FLNB: variants seen among roughly 807,000 people sequenced by gnomAD.
FLNB encodes the protein filamin B.
A neutral mutation model predicts 250.6 loss-of-function variants in FLNB; 111 were observed. The ratio of observed to expected loss-of-function variants is 0.44; its 90% CI spans 0.38 to 0.52. The LOEUF (loss-of-function observed/expected upper bound fraction) is 0.52. Ranked by LOEUF, FLNB falls within the 20% of genes least tolerant of loss-of-function variation. The pLI is 0.00. For missense variants in FLNB, 2,869 were observed against 3,447.8 expected (o/e 0.83, Z 4.20); for synonymous variants, 1,302 against 1,372.1 (o/e 0.95, Z 1.13).
At chr3:58,099,129 A>G (rs184776933) in intron 8 of FLNB, among the ~76,000 whole-genome samples, 116 of 152,138 alleles carry the variant, frequency 7.6e-4, no homozygotes, top group African/African-American at 2.6e-3. Context: ...GCTTATATTA[A>G]CTCATTTACT....
intron 1 of FLNB, among the ~76,000 whole-genome samples, chr3:58,029,158 GTAAC>G (rs2097127408): frequency 6.6e-6 from 1 of 152,128 alleles, no homozygotes; most frequent in Non-Finnish European, 1.5e-5. Flanking sequence ...TTATGTAGTG[GTAAC>G]TAACTTTCTC....
In FLNB at chr3:58,142,793, CT is replaced by C. The variant is rs779476696; in HGVS notation, c.5284+42del. 5 of 1,548,262 alleles carry C rather than the reference CT, an allele frequency of 3.2e-6. No individual in the cohort carries two copies. The African/African-American group carries it at 5.4e-5, about 17-fold the overall frequency. ...AAAGGCCGTCTCATTCTCACTTGCT[CT>C]CACGAGCTTCCCAGAATGGTGCTGG... On this transcript the variant is annotated intron_variant, in intron 31 of 45. Transcript: ENST00000295956. This position sits in a 1 kb window ranked among gnomAD's most constrained non-coding sequence, Gnocchi z 4.3.
At chr3:58,059,649 G>A (rs757196915) in intron 1 of FLNB, among the ~76,000 whole-genome samples, 2 of 152,146 alleles carry the variant, frequency 1.3e-5, no homozygotes, top group African/African-American at 4.8e-5. Context: ...TGGACAGTGC[G>A]CCTCAGGAAT....
intron 1 of FLNB, among the ~76,000 whole-genome samples, 157 bp downstream of exon 1, chr3:58,009,013 TC>T (rs1341169309): frequency 1.3e-5 from 2 of 152,072 alleles, no homozygotes; most frequent in Non-Finnish European, 2.9e-5. Flanking sequence ...CTAGACCCCC[TC>T]CCCGGTGTCT....
intron 1 of FLNB, among the ~76,000 whole-genome samples, chr3:58,038,941 A>G (rs1367536045): frequency 1.3e-5 from 2 of 152,016 alleles, no homozygotes; most frequent in East Asian, 1.9e-4. Flanking sequence ...AAAAGCAACA[A>G]TTGGGCTGGG....
At position 58,008,859 on chromosome 3, in the gene FLNB, G is replaced by T; in HGVS notation, c.292+3G>T. The T allele has an allele frequency of 6.2e-7, 1 of 1,613,580 alleles. No homozygotes were observed. Among genetic ancestry groups the T allele is most frequent in the Non-Finnish European group, 8.5e-7 (1 of 1,179,974 alleles). On this transcript the variant is annotated splice_donor_region_variant and intron_variant, in intron 1 of 45. Coordinates refer to ENST00000295956, the MANE Select transcript of FLNB (RefSeq NM_001457.4). Reference sequence around the variant, plus strand: ...GAGCATCAAGCTCGTGTCCATCGGTGAGTTCTCTGGCCGGGCCCAGGCGCC... The same window carrying T: ...GAGCATCAAGCTCGTGTCCATCGGTTAGTTCTCTGGCCGGGCCCAGGCGCC...
chr3:58,032,593 A>C (rs79377960), intron 1 of FLNB, among the ~76,000 whole-genome samples: 4,518 of 152,198 alleles, frequency 0.03, 219 homozygotes, highest in African/African-American at 0.1. Flanking sequence ...AAAAGTCTAG[A>C]GTAGGGCTGG....
In FLNB at chr3:58,111,779, T is replaced by A; in HGVS notation, c.2485-12T>A. The A allele has an allele frequency of 6.2e-7, 1 of 1,607,302 alleles. No individual in the cohort carries two copies. Among genetic ancestry groups the A allele is most frequent in the Non-Finnish European group, 8.5e-7 (1 of 1,173,838 alleles). On this transcript the variant is annotated splice_polypyrimidine_tract_variant and intron_variant, in intron 16 of 45. Transcript: ENST00000295956. ...CAGGGGCTTTCCTACTAAGACTGTGTCTCTGCTACAGGAAATCCCCGCCAG... is the reference window on the plus strand; with the variant it reads ...CAGGGGCTTTCCTACTAAGACTGTGACTCTGCTACAGGAAATCCCCGCCAG...
In FLNB at chr3:58,139,490, C is replaced by T. The variant is rs577357967; in HGVS notation, c.5109+961C>T. 3.2e-4 allele frequency among the ~76,000 whole-genome samples: 48 copies of T among 152,326 alleles called. No individual in the cohort carries two copies. The South Asian group carries it at 8.9e-3, about 28-fold the overall frequency. On this transcript the variant is annotated intron_variant, in intron 29 of 45. Coordinates refer to ENST00000295956, the MANE Select transcript of FLNB (RefSeq NM_001457.4). ...AGGTGCATGAAGACTCCATTCCAAA[C>T]TCCAAAGCTCAGGGACTTTCTTCCG...
rs773724014 is a variant in FLNB at position 58,153,650 on chromosome 3, T to C, written c.6634+9T>C. The C allele has an allele frequency of 6.2e-7, 1 of 1,613,844 alleles. No homozygotes were observed. Among genetic ancestry groups the C allele is most frequent in the South Asian group, 1.1e-5 (1 of 91,062 alleles). On this transcript the variant is annotated intron_variant, in intron 39 of 45. Coordinates refer to ENST00000295956, the MANE Select transcript of FLNB (RefSeq NM_001457.4). The stretch of plus-strand genomic sequence containing the variant: ...AGAAGCGGGAGTCCCAGGTGAGCAT[T>C]GCGGGCAGGATTTTCACTTGGGAAG...
chr3:58,154,665 G>A, intron 39 of FLNB, 126 bp from the exon 40 acceptor site: 4 of 993,120 alleles, frequency 4.0e-6, no homozygotes, highest in Non-Finnish European at 4.7e-6. Context: ...GGTTCTGCTT[G>A]GGGTTGGAGA....
intron 1 of FLNB, among the ~76,000 whole-genome samples, chr3:58,057,903 A>G (rs759833645): frequency 1.3e-5 from 2 of 151,766 alleles, no homozygotes; most frequent in Admixed American, 6.6e-5. Flanking sequence ...CGATTCTCCT[A>G]CCTCAGCCTC....
At chr3:58,010,584 A>G (rs1275807886) in intron 1 of FLNB, among the ~76,000 whole-genome samples, 3 of 152,154 alleles carry the variant, frequency 2.0e-5, no homozygotes, top group African/African-American at 7.2e-5. Flanking sequence ...CCATTCAGAA[A>G]CCAGCCTCCC....
intron 18 of FLNB, among the ~76,000 whole-genome samples, chr3:58,116,428 G>A (rs778185113): frequency 1.3e-5 from 2 of 152,182 alleles, no homozygotes; most frequent in South Asian, 2.1e-4. Flanking sequence ...GCTGTGCCAC[G>A]TGGGGAGCCG....
rs1380554341 is a variant in FLNB, at chr3:58,123,418, C to G, written c.3452C>G (p.Ala1151Gly). ...PGLEHGKVGE[A>G]GLLSVDCSEA... ...CTCGAGCACGGGAAGGTGGGTGAAG[C>G]TGGCCTCCTTAGCGTCGACTGCTCG... Residue 1151 changes from alanine to glycine, a missense_variant, in exon 21 of 46, where the codon GCT (alanine) becomes GGT (glycine). Transcript: ENST00000295956. 1 of 1,614,016 alleles carries G rather than the reference C, an allele frequency of 6.2e-7. No homozygotes were observed. The highest frequency in any genetic ancestry group is 8.5e-7 in the Non-Finnish European group (1 of 1,179,926).
At chr3:58,137,480 T>C (rs2097318308) in intron 28 of FLNB, among the ~76,000 whole-genome samples, 1 of 152,270 alleles carries the variant, frequency 6.6e-6, no homozygotes. Flanking sequence ...GGGTCTGTCA[T>C]TCAGGGTCTT....
intron 3 of FLNB, among the ~76,000 whole-genome samples, chr3:58,079,831 A>C (rs1338177206): frequency 6.6e-6 from 1 of 152,228 alleles, no homozygotes; most frequent in Non-Finnish European, 1.5e-5. Context: ...GCAGGTAGCC[A>C]GTGCCATGGG....
intron 1 of FLNB, among the ~76,000 whole-genome samples, chr3:58,025,184 T>TA (rs2097121826): frequency 6.9e-6 from 1 of 145,484 alleles, no homozygotes; most frequent in Non-Finnish European, 1.5e-5. Context: ...GGCTGGAGTG[T>TA]AGTGGCACAT....
chr3:58,125,194 G>A (rs1417244486), intron 22 of FLNB, among the ~76,000 whole-genome samples: 2 of 152,048 alleles, frequency 1.3e-5, no homozygotes, highest in African/African-American at 2.4e-5. Flanking sequence ...GTGCAGTGGT[G>A]TGATCACGGC....
Sources: allele counts gnomAD v4.1 joint callset (sites outside exome capture counted in the v4.1 genomes callset), GRCh38; gene constraint gnomAD v4.1.1; non-coding constraint Gnocchi (gnomAD v3.1); transcripts MANE v1.5; gene names NCBI Gene and HGNC (gene_info 2026-07-23, HGNC 2026-07-21).